ARID2: variants seen among roughly 807,000 people sequenced by gnomAD.
ARID2 encodes AT-rich interaction domain 2.
A neutral mutation model predicts 184.6 loss-of-function variants in ARID2; 32 were observed. The observed-to-expected ratio is 0.17, with a 90% confidence interval of 0.13 to 0.23. The LOEUF is 0.23. Ranked by LOEUF, ARID2 falls within the 10% of genes least tolerant of loss-of-function variation. ARID2 has a pLI of 1.00. For synonymous variants in ARID2, 836 were observed against 772.6 expected (o/e 1.08, Z -1.36); for missense variants, 1,696 against 2,197.6 (o/e 0.77, Z 4.56).
At chr12:45,896,256 A>G (rs1944366473) in intron 20 of ARID2, among the ~76,000 whole-genome samples, 1 of 152,226 alleles carries the variant, frequency 6.6e-6, no homozygotes, top group African/African-American at 2.4e-5. Flanking sequence ...ACAGTATGAG[A>G]AGGGCAAGGA....
At chr12:45,758,303 C>T (rs933571884) in intron 3 of ARID2, among the ~76,000 whole-genome samples, 3 of 152,228 alleles carry the variant, frequency 2.0e-5, no homozygotes, top group Admixed American at 1.3e-4. Flanking sequence ...CATGCAGCCC[C>T]GTGGGCTGTA....
At chr12:45,751,294 GT>G (rs147082154) in intron 3 of ARID2, among the ~76,000 whole-genome samples, 1 of 152,308 alleles carries the variant, frequency 6.6e-6, no homozygotes, top group East Asian at 1.9e-4. Context: ...CAGCAAGAGA[GT>G]ATGCTTGGTA....
At chr12:45,755,390 A>G (rs1018400010) in intron 3 of ARID2, among the ~76,000 whole-genome samples, 1 of 152,224 alleles carries the variant, frequency 6.6e-6, no homozygotes, top group African/African-American at 2.4e-5. Flanking sequence ...GAATGAGATT[A>G]TTTTTATAGA....
intron 16 of ARID2, among the ~76,000 whole-genome samples, chr12:45,890,757 A>C (rs1327735690): frequency 6.6e-6 from 1 of 152,136 alleles, no homozygotes; most frequent in Non-Finnish European, 1.5e-5. Flanking sequence ...CTGAAGGAAT[A>C]TTAATTTGGG....
chr12:45,795,224 C>G (rs575132635), intron 3 of ARID2, among the ~76,000 whole-genome samples: 1 of 152,106 alleles, frequency 6.6e-6, no homozygotes, highest in African/African-American at 2.4e-5. Flanking sequence ...TATCAAAGTC[C>G]CATCTAGAAC....
At chr12:45,764,843 A>G (rs1378722238) in intron 3 of ARID2, among the ~76,000 whole-genome samples, 1 of 152,224 alleles carries the variant, frequency 6.6e-6, no homozygotes, top group East Asian at 1.9e-4. Context: ...AGAAATTTTC[A>G]CTTAATTTGA....
At chr12:45,777,909 A>C (rs1325823045) in intron 3 of ARID2, among the ~76,000 whole-genome samples, 3 of 151,708 alleles carry the variant, frequency 2.0e-5, no homozygotes, top group Non-Finnish European at 4.4e-5. Context: ...TTTACTAATA[A>C]GAATGGTTAA....
intron 3 of ARID2, among the ~76,000 whole-genome samples, chr12:45,777,836 A>T (rs1437238081): frequency 6.7e-6 from 1 of 148,422 alleles, no homozygotes; most frequent in East Asian, 1.9e-4. Flanking sequence ...TATATTTTAT[A>T]TTTTATAAAG....
chr12:45,789,258 A>AT (rs1263539600), intron 3 of ARID2: 2 of 152,170 alleles, frequency 1.3e-5, no homozygotes, highest in Non-Finnish European at 2.9e-5. Context: ...TGCAAGGTTA[A>AT]TTCTTTGCCT....
At chr12:45,832,971 C>T (rs1943149647) in intron 6 of ARID2, among the ~76,000 whole-genome samples, 1 of 152,156 alleles carries the variant, frequency 6.6e-6, no homozygotes. Flanking sequence ...CCAGTCCCCA[C>T]AGATACTGAG....
chr12:45,792,875 A>G (rs887347019), intron 3 of ARID2, among the ~76,000 whole-genome samples: 1 of 152,244 alleles, frequency 6.6e-6, no homozygotes, highest in Non-Finnish European at 1.5e-5. Context: ...GTTAATATCT[A>G]CATTTTAAAA....
chr12:45,839,781 C>A, intron 11 of ARID2: 1 of 263,374 alleles, frequency 3.8e-6, no homozygotes, highest in East Asian at 6.9e-5. Flanking sequence ...ATAAGTGCCC[C>A]AATAGGCATA....
At chr12:45,902,286 T>C (rs1944469936) in intron 20 of ARID2, among the ~76,000 whole-genome samples, 1 of 152,254 alleles carries the variant, frequency 6.6e-6, no homozygotes, top group African/African-American at 2.4e-5. Context: ...CTCAAAAAAT[T>C]AAACATTTAT....
chr12:45,769,750 G>A (rs756681785), intron 3 of ARID2, among the ~76,000 whole-genome samples: 10 of 152,148 alleles, frequency 6.6e-5, no homozygotes, highest in Non-Finnish European at 1.0e-4. Flanking sequence ...ACACATCATG[G>A]CATAGGTTAA....
At chr12:45,868,428 G>A (rs559415262) in intron 16 of ARID2, among the ~76,000 whole-genome samples, 4 of 152,168 alleles carry the variant, frequency 2.6e-5, no homozygotes, top group African/African-American at 9.6e-5. Flanking sequence ...GTGACAAAGC[G>A]AGACTCTGTC....
intron 3 of ARID2, among the ~76,000 whole-genome samples, chr12:45,763,521 G>A (rs921344032): frequency 1.1e-4 from 17 of 152,056 alleles, no homozygotes; most frequent in African/African-American, 4.1e-4. Flanking sequence ...GGAAATAATT[G>A]GAGGAGATTG....
intron 3 of ARID2, among the ~76,000 whole-genome samples, chr12:45,741,073 G>A (rs995816632): frequency 2.0e-5 from 3 of 152,190 alleles, no homozygotes; most frequent in Non-Finnish European, 4.4e-5. Context: ...AACATCCACT[G>A]ATGGTTTGGG....
chr12:45,760,887 G>A (rs1007264590), intron 3 of ARID2, among the ~76,000 whole-genome samples: 2 of 151,622 alleles, frequency 1.3e-5, no homozygotes, highest in East Asian at 1.9e-4. Context: ...TTAGCGATAG[G>A]GTCTGGCTCT....
chr12:45,896,654 G>T (rs1234014876), intron 20 of ARID2, among the ~76,000 whole-genome samples: 9 of 152,064 alleles, frequency 5.9e-5, no homozygotes, highest in Admixed American at 5.2e-4. Context: ...CCCAGTCTTG[G>T]GTATGTCTTT....
Sources: gnomAD v4.1 joint callset for allele counts (sites outside exome capture counted in the v4.1 genomes callset) on GRCh38, gnomAD v4.1.1 for gene constraint, MANE v1.5 for transcripts, NCBI Gene and HGNC (gene_info 2026-07-23, HGNC 2026-07-21) for gene names.